ALX1: variants seen among roughly 807,000 people sequenced by gnomAD.
ALX1 encodes ALX homeobox 1, also known as ALX homeobox protein 1.
ALX1 carries 19 observed loss-of-function variants against 31.7 expected under a neutral mutation model. The observed-to-expected ratio is 0.60, with a 90% confidence interval of 0.42 to 0.88. The LOEUF is 0.88. ALX1 is among the 40% of genes least tolerant of loss of function. The pLI is 0.00. For synonymous variants in ALX1, 153 were observed against 148.8 expected (o/e 1.03, Z -0.20); for missense variants, 415 against 407.8 (o/e 1.02, Z -0.15).
chr12:85,294,019 G>A (rs751677080), intron 3 of ALX1, among the ~76,000 whole-genome samples: 46 of 151,126 alleles, frequency 3.0e-4, no homozygotes, highest in Non-Finnish European at 5.6e-4. Context: ...ATAAAATGTC[G>A]ACTTTGTAGT....
intron 1 of ALX1, among the ~76,000 whole-genome samples, chr12:85,281,872 C>T (rs890839312): frequency 1.3e-4 from 20 of 152,122 alleles, no homozygotes; most frequent in African/African-American, 4.8e-4. Flanking sequence ...TCTGCAATGT[C>T]TTGTATTGAC....
At chr12:85,292,847 T>C (rs1896836084) in intron 3 of ALX1, among the ~76,000 whole-genome samples, 1 of 150,992 alleles carries the variant, frequency 6.6e-6, no homozygotes, top group Non-Finnish European at 1.5e-5. Flanking sequence ...AAAAGGCATT[T>C]GTAGCATTTT....
rs765874556 is a variant in ALX1, at chr12:85,286,977, C to A, written c.656C>A (p.Pro219Gln). ...ISVLPRTDSYPQIQNNLWAGN... is the reference protein window; with the variant it reads ...ISVLPRTDSYQQIQNNLWAGN... ...GTTTTGCCAAGGACTGACAGCTACCCACAGGTATGCTAAACTACACAGAAT... is the reference window on the plus strand; with the variant it reads ...GTTTTGCCAAGGACTGACAGCTACCAACAGGTATGCTAAACTACACAGAAT... The change falls in exon 3 of 4, where the codon CCA (proline) becomes CAA (glutamine). Residue 219 changes from proline (P) to glutamine (Q), a missense_variant. By Grantham distance (76) the Pro-to-Gln change is moderately conservative. Transcript: ENST00000316824. 1.2e-6 allele frequency: 2 copies of A among 1,611,916 alleles called. No homozygotes were observed. Among genetic ancestry groups the A allele is most frequent in the Non-Finnish European group, 1.7e-6 (2 of 1,178,402 alleles).
At chr12:85,289,547 A>G (rs1896790275) in intron 3 of ALX1, among the ~76,000 whole-genome samples, 1 of 151,220 alleles carries the variant, frequency 6.6e-6, no homozygotes, top group East Asian at 1.9e-4. Flanking sequence ...ATAATTTTGT[A>G]TACATTGGCT....
chr12:85,287,016 A>C (rs779150860), intron 3 of ALX1, 35 bp downstream of exon 3: 1 of 1,609,046 alleles, frequency 6.2e-7, no homozygotes, highest in South Asian at 1.1e-5. Context: ...GATCAAGAAA[A>C]GGATATTTGG....
At chr12:85,283,128 A>T (rs1425290538) in intron 1 of ALX1, among the ~76,000 whole-genome samples, 1 of 152,212 alleles carries the variant, frequency 6.6e-6, no homozygotes, top group Non-Finnish European at 1.5e-5. Flanking sequence ...ATTAGTACAG[A>T]GGTATTATTT....
intron 1 of ALX1, among the ~76,000 whole-genome samples, chr12:85,283,332 C>T (rs551927192): frequency 6.6e-6 from 1 of 152,182 alleles, no homozygotes; most frequent in African/African-American, 2.4e-5. Flanking sequence ...CTTATAAATC[C>T]TGTAAAATAG....
intron 2 of ALX1, among the ~76,000 whole-genome samples, chr12:85,284,850 A>G (rs1896728341): frequency 6.6e-6 from 1 of 152,066 alleles, no homozygotes; most frequent in African/African-American, 2.4e-5. Flanking sequence ...AACTGCTAAA[A>G]TGGGGGAATG....
Position 85,283,891 on chromosome 12 carries a change from G to A in ALX1, c.531+15G>A. The A allele has an allele frequency of 1.2e-6, 2 of 1,613,288 alleles. No individual in the cohort carries two copies. The highest frequency in any genetic ancestry group is 2.2e-5 in the South Asian group (2 of 91,050). On this transcript the variant is annotated intron_variant, in intron 2 of 3. Coordinates refer to ENST00000316824, the MANE Select transcript of ALX1 (RefSeq NM_006982.3). ...CCAGGGTCCAGGTAGGAGCCAAAAA[G>A]AGGCCTTGATGGATGGGATAGGAAA... is the stretch of plus-strand genomic sequence containing the variant.
At position 85,301,421 on chromosome 12, in the gene ALX1, A is replaced by G. The variant is rs199827292; in HGVS notation, c.927A>G (p.Ala309=). The change falls in exon 4 of 4, where the codon GCA becomes GCG. Residue 309 remains alanine, a synonymous_variant. Transcript: ENST00000316824. The part of the protein sequence containing the change: ...PEFERRSSSI[A]VLRMKAKEHT... ...TTGAAAGGAGGTCTTCCAGTATCGC[A>G]GTTCTTCGAATGAAAGCCAAGGAGC... 109 of 1,614,012 alleles carry G rather than the reference A, an allele frequency of 6.8e-5. No individual in the cohort carries two copies. The highest frequency in any genetic ancestry group is 8.8e-5 in the Non-Finnish European group (104 of 1,180,012).
chr12:85,283,894 G>T lies in ALX1; in HGVS notation c.531+18G>T, dbSNP rs1438245277. 1.2e-6 allele frequency: 2 copies of T among 1,612,680 alleles called. No individual in the cohort carries two copies. Among genetic ancestry groups the T allele is most frequent in the African/African-American group, 1.3e-5 (1 of 74,878 alleles). On this transcript the variant is annotated intron_variant, in intron 2 of 3. Coordinates refer to ENST00000316824, the MANE Select transcript of ALX1 (RefSeq NM_006982.3). ...GGGTCCAGGTAGGAGCCAAAAAGAG[G>T]CCTTGATGGATGGGATAGGAAAATA...
intron 1 of ALX1, among the ~76,000 whole-genome samples, chr12:85,281,282 A>G (rs760798827): frequency 6.6e-6 from 1 of 152,214 alleles, no homozygotes; most frequent in Non-Finnish European, 1.5e-5. Flanking sequence ...TGAATGCCCA[A>G]GTATCTCCAA....
intron 3 of ALX1, among the ~76,000 whole-genome samples, chr12:85,292,415 G>A (rs566445851): frequency 6.0e-5 from 9 of 151,162 alleles, no homozygotes; most frequent in Admixed American, 2.0e-4. Flanking sequence ...ACTGAGTATT[G>A]TATAGTGAAA....
intron 3 of ALX1, among the ~76,000 whole-genome samples, chr12:85,295,950 T>G (rs1210965928): frequency 2.0e-5 from 3 of 151,656 alleles, no homozygotes; most frequent in Non-Finnish European, 4.4e-5. Context: ...ATAGTGTTGT[T>G]TCTTCTAAAT....
intron 1 of ALX1, among the ~76,000 whole-genome samples, chr12:85,283,266 C>A (rs1298609354): frequency 1.3e-5 from 2 of 152,062 alleles, no homozygotes; most frequent in East Asian, 1.9e-4. Flanking sequence ...TCATGAAACA[C>A]CCAGATCATC....
At chr12:85,299,133 CTT>C (rs879936173) in intron 3 of ALX1, among the ~76,000 whole-genome samples, 16 of 139,006 alleles carry the variant, frequency 1.2e-4, no homozygotes, top group Admixed American at 2.9e-4. Context: ...TGTTGTCTTC[CTT>C]TTTTTTTTTT....
At chr12:85,282,024 C>T (rs1896680695) in intron 1 of ALX1, among the ~76,000 whole-genome samples, 1 of 152,094 alleles carries the variant, frequency 6.6e-6, no homozygotes, top group African/African-American at 2.4e-5. Context: ...GGAAGATGAA[C>T]ATAGGCAGTC....
chr12:85,280,442 C>T lies in ALX1; in HGVS notation c.181C>T (p.His61Tyr), dbSNP rs1896653653. The stretch of plus-strand genomic sequence containing the variant: ...CTTCGGACCCCTGCCCCGCGCCGAG[C>T]ATCACGTGCGCTTGGAGAGGACCTC... Reference protein sequence around the residue: ...QAFGPLPRAEHHVRLERTSPC... With the variant: ...QAFGPLPRAEYHVRLERTSPC... The change falls in exon 1 of 4, where the codon CAT becomes TAT. Residue 61 changes from histidine to tyrosine, a missense_variant. Coordinates refer to ENST00000316824, the MANE Select transcript of ALX1 (RefSeq NM_006982.3). The T allele has an allele frequency of 1.2e-6, 2 of 1,612,094 alleles. No individual in the cohort carries two copies. Among genetic ancestry groups the T allele is most frequent in the Non-Finnish European group, 1.7e-6 (2 of 1,180,022 alleles).
chr12:85,298,999 G>A (rs370050435), intron 3 of ALX1, among the ~76,000 whole-genome samples: 7 of 151,540 alleles, frequency 4.6e-5, no homozygotes, highest in African/African-American at 1.4e-4. Context: ...TTTTCATCTA[G>A]TTGGTGAACA....
Sources: allele counts gnomAD v4.1 joint callset (sites outside exome capture counted in the v4.1 genomes callset), GRCh38; gene constraint gnomAD v4.1.1; transcripts MANE v1.5; gene names NCBI Gene and HGNC (gene_info 2026-07-23, HGNC 2026-07-21).